Variants in FAAH2 observed in about 807,000 individuals in gnomAD.
The protein encoded by FAAH2 is fatty-acid amide hydrolase 2.
A neutral mutation model predicts 36.9 loss-of-function variants in FAAH2; 60 were observed. The observed-to-expected ratio is 1.63, with a 90% confidence interval of 1.32 to 2.02. FAAH2 has a LOEUF of 2.02. Among genes scored for constraint, FAAH2 ranks in the 30% most tolerant of loss-of-function variants. The probability of loss-of-function intolerance (pLI) is 0.00; values close to 1 mark genes in which losing one functional copy is unlikely to be tolerated. For missense variants in FAAH2, 689 were observed against 397.5 expected, an observed-to-expected ratio of 1.73 and a Z score of -6.23; for synonymous variants, 214 against 143.8, an observed-to-expected ratio of 1.49 and a Z score of -3.49.
At chrX:57,402,985 T>C (rs1383027265) in intron 7 of FAAH2, among the ~76,000 whole-genome samples, 3 of 112,188 alleles carry the variant, frequency 2.7e-5, no homozygotes, top group Non-Finnish European at 3.8e-5. Flanking sequence ...GATCTAGCAG[T>C]AACATTATAT....
chrX:57,149,790 G>T, the FAAH2 span, among the ~76,000 whole-genome samples: 1 of 110,335 alleles, frequency 9.1e-6, no homozygotes, highest in Non-Finnish European at 1.9e-5. Flanking sequence ...GGTATTTCTT[G>T]CCTTCTGCCA....
chrX:57,282,341 A>G (rs759439401), upstream of FAAH2, among the ~76,000 whole-genome samples: 86 of 111,446 alleles, frequency 7.7e-4, no homozygotes, highest in Admixed American at 4.0e-3. Context: ...CATTTTTTTA[A>G]TGTTTTTTGG....
chrX:57,135,777 T>C, the FAAH2 span: 2 of 1,168,214 alleles, frequency 1.7e-6, no homozygotes, highest in South Asian at 4.1e-5. Context: ...TGTCTACAAA[T>C]TATACATTTG....
the FAAH2 span, among the ~76,000 whole-genome samples, chrX:57,171,908 T>A: frequency 3.6e-5 from 4 of 112,226 alleles, no homozygotes; most frequent in South Asian, 1.5e-3. Context: ...CTAAATTTTT[T>A]AAATCCATTT....
chrX:57,209,823 G>A, the FAAH2 span, among the ~76,000 whole-genome samples: 5 of 111,301 alleles, frequency 4.5e-5, no homozygotes, highest in East Asian at 2.8e-4. Flanking sequence ...TAGCACTTTA[G>A]TCTGAAACAG....
the FAAH2 span, among the ~76,000 whole-genome samples, chrX:57,249,157 G>T: frequency 9.0e-6 from 1 of 111,561 alleles, no homozygotes; most frequent in Non-Finnish European, 1.9e-5. Flanking sequence ...GCCAAAGAAT[G>T]TTTTTTAAAT....
At chrX:57,426,068 G>C (rs2056154647) in intron 7 of FAAH2, among the ~76,000 whole-genome samples, 1 of 111,788 alleles carries the variant, frequency 8.9e-6, no homozygotes, top group African/African-American at 3.2e-5. Context: ...TTTATAACTG[G>C]CTTTTGTAAT....
Position 57,310,681 on chromosome X carries a change from C to T in FAAH2, c.364C>T (p.Pro122Ser), listed in dbSNP as rs1335294031. The T allele has an allele frequency of 1.2e-5, 14 of 1,209,336 alleles. No homozygotes were observed. Among genetic ancestry groups the T allele is most frequent in the Non-Finnish European group, 1.6e-5 (14 of 894,261 alleles). The change falls in exon 3 of 11, where the codon CCC (proline) becomes TCC (serine). Residue 122 changes from proline to serine, a missense_variant. Transcript: ENST00000374900. Reference protein sequence around the residue: ...EDEATLENKWPFLGVPLTVKE... With the variant: ...EDEATLENKWSFLGVPLTVKE... ...TGAAGCCACCCTGGAAAATAAATGG[C>T]CCTTCCTTGGGGTTCCTTTGACAGT...
intron 2 of FAAH2, among the ~76,000 whole-genome samples, chrX:57,307,450 C>A (rs761331602): frequency 9.0e-6 from 1 of 110,870 alleles, no homozygotes; most frequent in South Asian, 3.9e-4. Context: ...ACTATGCATT[C>A]TCTCTCTAGA....
At chrX:57,230,735 G>C in the FAAH2 span, among the ~76,000 whole-genome samples, 3 of 111,087 alleles carry the variant, frequency 2.7e-5, no homozygotes, top group African/African-American at 9.8e-5. Flanking sequence ...CCAATTGTTA[G>C]ATCCCTTATT....
At chrX:57,402,161 C>T (rs1333946723) in intron 7 of FAAH2, among the ~76,000 whole-genome samples, 2 of 112,231 alleles carry the variant, frequency 1.8e-5, no homozygotes, top group Non-Finnish European at 3.8e-5. Context: ...ACCCTCAGTC[C>T]TGCTGCTGGA....
the FAAH2 span, among the ~76,000 whole-genome samples, chrX:57,217,247 G>GTTTT: frequency 3.0e-4 from 29 of 96,655 alleles, no homozygotes; most frequent in Middle Eastern, 5.4e-3. Context: ...TTTGACGACT[G>GTTTT]TTTTTTTTTT....
rs1307762881 is a variant in FAAH2 at position 57,303,773 on chromosome X, T to G, written c.276-6820T>G. Among the ~76,000 whole-genome samples, 3 of 111,957 alleles carry G rather than the reference T, an allele frequency of 2.7e-5. No individual in the cohort carries two copies. The East Asian group carries it at 8.4e-4, about 31-fold the overall frequency. On this transcript the variant is annotated intron_variant, in intron 2 of 10. Coordinates refer to ENST00000374900, the MANE Select transcript of FAAH2 (RefSeq NM_174912.4). Reference sequence around the variant, plus strand: ...AGATTAATATTTTGCCGTGCCTAATTCGCTACCAAAATTGTCTCACTTTTT... The same window carrying G: ...AGATTAATATTTTGCCGTGCCTAATGCGCTACCAAAATTGTCTCACTTTTT...
chrX:57,424,729 A>G (rs1455975876), intron 7 of FAAH2, among the ~76,000 whole-genome samples: 1 of 112,280 alleles, frequency 8.9e-6, no homozygotes, highest in African/African-American at 3.2e-5. Flanking sequence ...GGGAATAAAT[A>G]TGGCCTTTAT....
intron 7 of FAAH2, among the ~76,000 whole-genome samples, chrX:57,382,870 C>T (rs1602479004): frequency 9.0e-6 from 1 of 111,264 alleles, no homozygotes; most frequent in Non-Finnish European, 1.9e-5. Context: ...AGAGACACAA[C>T]CAAGAAAGAG....
chrX:57,330,395 T>C (rs1270114824), intron 3 of FAAH2, among the ~76,000 whole-genome samples: 3 of 111,545 alleles, frequency 2.7e-5, no homozygotes, highest in Admixed American at 9.5e-5. Context: ...GAAATTCCTG[T>C]CTAATAAATT....
chrX:57,165,456 C>T, the FAAH2 span, among the ~76,000 whole-genome samples: 14 of 110,204 alleles, frequency 1.3e-4, no homozygotes, highest in East Asian at 1.2e-3. Flanking sequence ...AACCAAACAC[C>T]GCATATTCTC....
At chrX:57,299,141 G>A (rs1286852524) in intron 2 of FAAH2, among the ~76,000 whole-genome samples, 1 of 111,194 alleles carries the variant, frequency 9.0e-6, no homozygotes, top group Admixed American at 9.5e-5. Context: ...GCCTGACAGA[G>A]ACACAACAAA....
At chrX:57,392,932 T>C in intron 7 of FAAH2, 1 of 898,020 alleles carries the variant, frequency 1.1e-6, no homozygotes, top group East Asian at 3.1e-5. Context: ...AGTAATTCAA[T>C]GTTGTCTGCT....
Sources: allele counts gnomAD v4.1 joint callset (sites outside exome capture counted in the v4.1 genomes callset), GRCh38; gene constraint gnomAD v4.1.1; transcripts MANE v1.5; gene names NCBI Gene and HGNC (gene_info 2026-07-23, HGNC 2026-07-21).